VAT1L: variants seen among roughly 807,000 people sequenced by gnomAD.
VAT1L encodes the protein vesicle amine transport 1 like.
A neutral mutation model predicts 44.1 loss-of-function variants in VAT1L; 34 were observed. That is an observed-to-expected ratio of 0.77 (90% CI 0.59 to 1.03). VAT1L has a LOEUF of 1.03. Ranked by LOEUF, VAT1L falls within the 50% of genes least tolerant of loss-of-function variation. The pLI, the probability that VAT1L is intolerant of heterozygous loss-of-function variation, is 0.00. For missense variants in VAT1L, 615 were observed against 538.8 expected (o/e 1.14, Z -1.40); for synonymous variants, 253 against 202.2 (o/e 1.25, Z -2.13).
chr16:77,909,789 A>G (rs1341292274), intron 7 of VAT1L, among the ~76,000 whole-genome samples: 1 of 152,160 alleles, frequency 6.6e-6, no homozygotes, highest in Non-Finnish European at 1.5e-5. Context: ...CCAAGATCAC[A>G]TATCTGCTCA....
chr16:77,972,925 A>G (rs143004070), intron 8 of VAT1L, among the ~76,000 whole-genome samples: 2,250 of 152,050 alleles, frequency 0.015, 60 homozygotes, highest in African/African-American at 0.051. Context: ...AGCTCAAGCA[A>G]TCTGCCTACC....
chr16:77,950,729 TGTTAA>T (rs1434609551), intron 7 of VAT1L, among the ~76,000 whole-genome samples: 1 of 152,188 alleles, frequency 6.6e-6, no homozygotes, highest in Non-Finnish European at 1.5e-5. Flanking sequence ...ATATAGTAAC[TGTTAA>T]ATTAGTGAAT....
intron 1 of VAT1L, among the ~76,000 whole-genome samples, chr16:77,792,575 C>G (rs1357097377): frequency 6.6e-6 from 1 of 152,036 alleles, no homozygotes; most frequent in African/African-American, 2.4e-5. Flanking sequence ...TGGCTGTGAG[C>G]TACTTTCTAA....
At chr16:77,790,826 G>A (rs973508705) in intron 1 of VAT1L, among the ~76,000 whole-genome samples, 5 of 152,158 alleles carry the variant, frequency 3.3e-5, no homozygotes, top group African/African-American at 1.2e-4. Context: ...CCAGTCTTAT[G>A]TTAACTGCAT....
intron 1 of VAT1L, among the ~76,000 whole-genome samples, chr16:77,810,265 G>A: frequency 6.6e-6 from 1 of 152,152 alleles, no homozygotes; most frequent in East Asian, 1.9e-4. Context: ...CAGATCAGCA[G>A]CATCAGCATT....
intron 1 of VAT1L, among the ~76,000 whole-genome samples, chr16:77,793,611 T>C (rs1472296259): frequency 1.3e-5 from 2 of 152,082 alleles, no homozygotes; most frequent in Admixed American, 1.3e-4. Flanking sequence ...CCTTGTCTGG[T>C]TTGTGGTTCA....
At chr16:77,834,476 C>T (rs1467521452) in intron 3 of VAT1L, among the ~76,000 whole-genome samples, 1 of 152,154 alleles carries the variant, frequency 6.6e-6, no homozygotes, top group Non-Finnish European at 1.5e-5. Flanking sequence ...ACATCACTTC[C>T]AGGCCTGCCC....
chr16:77,837,777 G>A (rs546892717), intron 3 of VAT1L, among the ~76,000 whole-genome samples: 4 of 152,266 alleles, frequency 2.6e-5, no homozygotes, highest in East Asian at 3.9e-4. Flanking sequence ...GGTCTAATAC[G>A]TATTGTATCC....
At chr16:77,907,151 T>A (rs1227700484) in intron 7 of VAT1L, among the ~76,000 whole-genome samples, 1 of 152,172 alleles carries the variant, frequency 6.6e-6, no homozygotes, top group Non-Finnish European at 1.5e-5. Context: ...AATACTCCCA[T>A]CGTGACCAAT....
chr16:77,855,886 C>T (rs9934944), intron 3 of VAT1L, among the ~76,000 whole-genome samples: 9,274 of 152,120 alleles, frequency 0.061, 508 homozygotes, highest in East Asian at 0.28. Flanking sequence ...GGCATGGTGG[C>T]GGGCACCTGT....
In VAT1L at chr16:77,884,032, G is replaced by A. The variant is rs533439182; in HGVS notation, c.883-576G>A. Reference sequence around the variant, plus strand: ...GTCCGGAGCTGATGATCCTGACCATGTACTTAATATTTCAACTACATGTGG... The same window carrying A: ...GTCCGGAGCTGATGATCCTGACCATATACTTAATATTTCAACTACATGTGG... On this transcript the variant is annotated intron_variant, in intron 6 of 8. Coordinates refer to ENST00000302536, the MANE Select transcript of VAT1L (RefSeq NM_020927.3). The surrounding 1 kb of genome is among the most constrained non-coding windows in gnomAD (Gnocchi z 4.5). Among the ~76,000 whole-genome samples, 19 of 152,232 alleles carry A rather than the reference G, an allele frequency of 1.2e-4. No individual in the cohort carries two copies. Among genetic ancestry groups the A allele is most frequent in the African/African-American group, 4.3e-4 (18 of 41,538 alleles).
At chr16:77,891,262 T>G (rs561180916) in intron 7 of VAT1L, among the ~76,000 whole-genome samples, 2 of 151,056 alleles carry the variant, frequency 1.3e-5, no homozygotes, top group Admixed American at 6.6e-5. Context: ...GCTGAGGCAG[T>G]AGAATGGCAT....
At chr16:77,927,056 T>C (rs921413913) in intron 7 of VAT1L, among the ~76,000 whole-genome samples, 1 of 152,072 alleles carries the variant, frequency 6.6e-6, no homozygotes, top group South Asian at 2.1e-4. Context: ...AACACTGTTA[T>C]GGCCCGGCGC....
At chr16:77,834,889 C>T (rs753934030) in intron 3 of VAT1L, among the ~76,000 whole-genome samples, 1 of 152,068 alleles carries the variant, frequency 6.6e-6, no homozygotes, top group Admixed American at 6.6e-5. Context: ...TTCACGTCAT[C>T]GGAATAATAA....
chr16:77,902,207 G>T (rs2017390285), intron 7 of VAT1L, among the ~76,000 whole-genome samples: 1 of 152,100 alleles, frequency 6.6e-6, no homozygotes, highest in Non-Finnish European at 1.5e-5. Context: ...TTTATCCTTG[G>T]TTCTAATTAG....
At chr16:77,817,975 A>G (rs12918657) in intron 2 of VAT1L, among the ~76,000 whole-genome samples, 44,741 of 152,036 alleles carry the variant, frequency 0.29, 8,001 homozygotes, top group Non-Finnish European at 0.39. Flanking sequence ...CCTGCAAAGC[A>G]AAGATTGTTA....
chr16:77,842,028 C>T (rs2016711920), intron 3 of VAT1L, among the ~76,000 whole-genome samples: 1 of 152,160 alleles, frequency 6.6e-6, no homozygotes, highest in Non-Finnish European at 1.5e-5. Flanking sequence ...GCTGGAACTA[C>T]AGGCACCCGC....
chr16:77,974,938 C>G (rs887623361), intron 8 of VAT1L, among the ~76,000 whole-genome samples: 1 of 151,974 alleles, frequency 6.6e-6, no homozygotes, highest in South Asian at 2.1e-4. Flanking sequence ...ATCAGAGCAA[C>G]CACGTGGTGG....
At chr16:77,974,860 T>A (rs1048813377) in intron 8 of VAT1L, among the ~76,000 whole-genome samples, 12 of 152,036 alleles carry the variant, frequency 7.9e-5, no homozygotes, top group African/African-American at 2.9e-4. Context: ...TGAGACACTG[T>A]ACCGGGCCCC....
Sources: gnomAD v4.1 joint callset for allele counts (sites outside exome capture counted in the v4.1 genomes callset) on GRCh38, gnomAD v4.1.1 for gene constraint, Gnocchi (gnomAD v3.1) non-coding constraint, MANE v1.5 for transcripts, NCBI Gene and HGNC (gene_info 2026-07-23, HGNC 2026-07-21) for gene names.